Variants in FBN1 observed in about 807,000 individuals in gnomAD.
FBN1 encodes the protein fibrillin 1.
A neutral mutation model predicts 365.1 loss-of-function variants in FBN1; 29 were observed. The observed-to-expected ratio is 0.08, with a 90% CI of 0.06 to 0.11. The LOEUF is 0.11. FBN1 is among the 10% of genes least tolerant of loss of function. The pLI is 1.00. For missense variants in FBN1, 2,476 were observed against 3,703.2 expected (o/e 0.67, Z 8.60); for synonymous variants, 1,210 against 1,270.5 (o/e 0.95, Z 1.01).
At chr15:48,454,367 A>C (rs1417021505) in intron 44 of FBN1, among the ~76,000 whole-genome samples, 3 of 152,204 alleles carry the variant, frequency 2.0e-5, no homozygotes, top group Non-Finnish European at 4.4e-5. Flanking sequence ...CTCTCATTAA[A>C]ACAGAAAAGA....
chr15:48,499,111 CA>C, intron 17 of FBN1, 73 bp from the exon 18 acceptor site: 1 of 1,450,382 alleles, frequency 6.9e-7, no homozygotes, highest in Non-Finnish European at 9.7e-7. Flanking sequence ...TGGTTTTGCA[CA>C]CATCATTTCC....
chr15:48,526,595 T>G lies in FBN1; in HGVS notation c.863-340A>C, dbSNP rs148893265. Among the ~76,000 whole-genome samples the G allele has an allele frequency of 4.8e-3, 733 of 152,368 alleles. 2 individuals carry two copies. The highest frequency in any genetic ancestry group is 8.0e-3 in the Non-Finnish European group (543 of 68,036). ...AAATTTTGTTTTCCTTTTGTTTCCA[T>G]GTTTTGCATTAAGTTAAACTCTCCT... On this transcript the variant is annotated intron_variant, in intron 8 of 65. Coordinates refer to ENST00000316623, the MANE Select transcript of FBN1 (RefSeq NM_000138.5).
At chr15:48,579,938 A>G (rs929654064) in intron 6 of FBN1, among the ~76,000 whole-genome samples, 3 of 152,316 alleles carry the variant, frequency 2.0e-5, no homozygotes, top group Admixed American at 2.0e-4. Context: ...AATAATGAAT[A>G]AACCAGAGTC....
intron 10 of FBN1, among the ~76,000 whole-genome samples, chr15:48,519,337 T>C (rs1162754399): frequency 1.3e-5 from 2 of 152,234 alleles, no homozygotes; most frequent in African/African-American, 4.8e-5. Context: ...AGATGTTGCC[T>C]AATAAGTTGC....
chr15:48,498,914 G>C (rs1355801049), intron 18 of FBN1, 71 bp downstream of exon 18: 14 of 1,441,456 alleles, frequency 9.7e-6, no homozygotes, highest in Middle Eastern at 3.5e-4. Context: ...GGATCAACTG[G>C]AAACCCACAA....
At chr15:48,593,280 T>C (rs1397873408) in intron 6 of FBN1, among the ~76,000 whole-genome samples, 1 of 152,192 alleles carries the variant, frequency 6.6e-6, no homozygotes, top group African/African-American at 2.4e-5. Flanking sequence ...TGTATAAAAG[T>C]TCCAAGGTCT....
At position 48,573,542 on chromosome 15, in the gene FBN1, T is replaced by C. The variant is rs1032910699; in HGVS notation, c.538+22741A>G. Among the ~76,000 whole-genome samples, 2 of 152,206 alleles carry C rather than the reference T, an allele frequency of 1.3e-5. 1 individual carries two copies. The highest frequency in any genetic ancestry group is 1.3e-4 in the Admixed American group (2 of 15,278). On this transcript the variant is annotated intron_variant, in intron 6 of 65. Transcript: ENST00000316623. ...AACAGGTCTTACAAGGCTAAGTGAATGGAGAGTTAAAGACTAAATAAGCTT... is the reference window on the plus strand; with the variant it reads ...AACAGGTCTTACAAGGCTAAGTGAACGGAGAGTTAAAGACTAAATAAGCTT...
At chr15:48,426,828 T>C (rs993892241) in intron 58 of FBN1, among the ~76,000 whole-genome samples, 7 of 152,128 alleles carry the variant, frequency 4.6e-5, no homozygotes, top group African/African-American at 1.7e-4. Context: ...CTAGGTCTGT[T>C]TTTTCTTTTT....
chr15:48,537,919 G>A, intron 6 of FBN1, 111 bp from the exon 7 acceptor site: 3 of 1,119,658 alleles, frequency 2.7e-6, no homozygotes, highest in African/African-American at 1.5e-5. Context: ...ATGAATTTCA[G>A]GGACAGAATC....
At chr15:48,437,143 CA>C in intron 52 of FBN1, 66 bp from the exon 53 acceptor site, 1 of 1,240,886 alleles carries the variant, frequency 8.1e-7, no homozygotes, top group Non-Finnish European at 1.2e-6. Context: ...AAATTATGAT[CA>C]TTTCAGTGTT....
At chr15:48,425,269 T>C in intron 60 of FBN1, 100 bp downstream of exon 60, 2 of 1,525,002 alleles carry the variant, frequency 1.3e-6, no homozygotes, top group Non-Finnish European at 1.8e-6. Flanking sequence ...CTCCTGCCTG[T>C]AGAGCAGGTC....
At chr15:48,480,461 A>G (rs958127301) in intron 32 of FBN1, among the ~76,000 whole-genome samples, 1 of 152,150 alleles carries the variant, frequency 6.6e-6, no homozygotes, top group African/African-American at 2.4e-5. Flanking sequence ...GCCATTTATC[A>G]GAATGGACCC....
At chr15:48,604,917 G>A (rs975204190) in intron 4 of FBN1, among the ~76,000 whole-genome samples, 2 of 152,122 alleles carry the variant, frequency 1.3e-5, no homozygotes, top group Non-Finnish European at 2.9e-5. Context: ...TGCATTGGGA[G>A]TACAAATGCC....
At chr15:48,416,795 ATTTTCAG>A (rs1481157377) in intron 63 of FBN1, 5 of 152,188 alleles carry the variant, frequency 3.3e-5, no homozygotes, top group Non-Finnish European at 7.3e-5. Context: ...GCCATAGTCC[ATTTTCAG>A]GCATACGTTC....
chr15:48,579,870 C>G (rs1294630953), intron 6 of FBN1, among the ~76,000 whole-genome samples: 2 of 152,144 alleles, frequency 1.3e-5, no homozygotes, highest in Admixed American at 6.5e-5. Flanking sequence ...CCCAATACGA[C>G]TAAAAGAATT....
chr15:48,523,765 G>T (rs1045167033), intron 9 of FBN1, among the ~76,000 whole-genome samples: 1 of 151,770 alleles, frequency 6.6e-6, no homozygotes, highest in African/African-American at 2.4e-5. Flanking sequence ...AGGGTAAGGG[G>T]TGGCTGTAGA....
intron 6 of FBN1, among the ~76,000 whole-genome samples, chr15:48,549,364 T>C (rs2141371522): frequency 6.6e-6 from 1 of 152,326 alleles, no homozygotes; most frequent in East Asian, 1.9e-4. Flanking sequence ...GTGACTTACC[T>C]TGGGAGCAGG....
At chr15:48,498,703 A>G (rs1329642166) in intron 18 of FBN1, among the ~76,000 whole-genome samples, 1 of 152,156 alleles carries the variant, frequency 6.6e-6, no homozygotes, top group Non-Finnish European at 1.5e-5. Flanking sequence ...GAGCAACAAA[A>G]GTCATTACAC....
intron 4 of FBN1, among the ~76,000 whole-genome samples, chr15:48,603,202 T>C (rs2044580366): frequency 6.6e-6 from 1 of 152,220 alleles, no homozygotes; most frequent in African/African-American, 2.4e-5. Context: ...TTTTCCAGCA[T>C]AAAATATTCT....
Sources: allele counts gnomAD v4.1 joint callset (sites outside exome capture counted in the v4.1 genomes callset), GRCh38; gene constraint gnomAD v4.1.1; transcripts MANE v1.5; gene names NCBI Gene and HGNC (gene_info 2026-07-23, HGNC 2026-07-21).